Variants in LUC7L observed in about 807,000 individuals in gnomAD.
LUC7L encodes putative RNA-binding protein Luc7-like 1.
A neutral mutation model predicts 51.1 loss-of-function variants in LUC7L; 29 were observed. The observed-to-expected ratio is 0.57, with a 90% CI of 0.42 to 0.77. LUC7L has a LOEUF of 0.77. Among genes scored for constraint, LUC7L ranks in the 30% least tolerant of loss-of-function variants. The pLI, the probability that LUC7L is intolerant of heterozygous loss-of-function variation, is 0.00. For missense variants in LUC7L, 403 were observed against 511.9 expected (o/e 0.79, Z 2.05); for synonymous variants, 181 against 180.7 (o/e 1.00, Z -0.01).
Position 190,121 on chromosome 16 carries a change from T to A in LUC7L, c.821A>T (p.Asp274Val). The A allele has an allele frequency of 6.2e-7, 1 of 1,611,078 alleles. No individual in the cohort carries two copies. Among genetic ancestry groups the A allele is most frequent in the African/African-American group, 1.3e-5 (1 of 74,964 alleles). Residue 274 changes from aspartate (D) to valine (V), a missense_variant, in exon 9 of 10, where the codon GAT (aspartate) becomes GTT (valine). Transcript: ENST00000293872. ...TRDRRRSRSR[D>V]RRRRRSRSTS... Reference sequence around the variant, plus strand: ...AGATCTTGACCGCCTCCGACGCCGATCCCGGGAGCGTGACCTGAACAATCA... The same window carrying A: ...AGATCTTGACCGCCTCCGACGCCGAACCCGGGAGCGTGACCTGAACAATCA...
In LUC7L at chr16:191,281, G is replaced by A. The variant is rs556294753; in HGVS notation, c.777-711C>T. Reference sequence around the variant, plus strand: ...ACACAGAAAAGGAAAAGCAAAGCCCGAAGTTCCAGGCACAGGCTTCCTGTC... The same window carrying A: ...ACACAGAAAAGGAAAAGCAAAGCCCAAAGTTCCAGGCACAGGCTTCCTGTC... On this transcript the variant is annotated intron_variant, in intron 7 of 9. Coordinates refer to ENST00000293872, the MANE Select transcript of LUC7L (RefSeq NM_201412.3). Among the ~76,000 whole-genome samples, 11 of 152,282 alleles carry A rather than the reference G, an allele frequency of 7.2e-5. No homozygotes were observed. The South Asian group carries it at 1.0e-3, about 14-fold the overall frequency.
chr16:217,730 TTAAA>T (rs2049846203), intron 3 of LUC7L, among the ~76,000 whole-genome samples: 1 of 147,236 alleles, frequency 6.8e-6, no homozygotes, highest in East Asian at 2.1e-4. Context: ...AATTTTTTTT[TTAAA>T]TAAATAAACA....
In LUC7L at chr16:215,449, T is replaced by C. The variant is rs1001704882; in HGVS notation, c.255+5200A>G. On this transcript the variant is annotated intron_variant, in intron 3 of 9. Transcript: ENST00000293872. ...GCCTGACCAGTATTGTAAAACCCCG[T>C]CTCTACTAAAAATACAAAAAATTAG... 7.9e-5 allele frequency among the ~76,000 whole-genome samples: 12 copies of C among 151,490 alleles called. No individual in the cohort carries two copies. In the East Asian group the frequency reaches 2.4e-3, roughly 30 times the overall value.
At chr16:204,230 G>A (rs955898557) in intron 5 of LUC7L, among the ~76,000 whole-genome samples, 8 of 151,634 alleles carry the variant, frequency 5.3e-5, no homozygotes, top group Non-Finnish European at 1.0e-4. Context: ...GATCACCTGA[G>A]GTCAGAAGTT....
intron 1 of LUC7L, chr16:228,280 A>G (rs1332572466): frequency 2.3e-6 from 3 of 1,301,480 alleles, no homozygotes; most frequent in African/African-American, 3.0e-5. Context: ...TTACTTGTGA[A>G]AAAAAGCAAA....
chr16:205,374 C>T (rs1036182732), intron 5 of LUC7L, among the ~76,000 whole-genome samples: 5 of 152,076 alleles, frequency 3.3e-5, no homozygotes, highest in African/African-American at 1.2e-4. Flanking sequence ...TATTTTATGG[C>T]AGTAAATAAA....
chr16:228,415 AAT>A, intron 1 of LUC7L: 1 of 1,293,428 alleles, frequency 7.7e-7, no homozygotes, highest in Non-Finnish European at 1.0e-6. Flanking sequence ...TTATAAATAA[AAT>A]AGAGGGGCCA....
At chr16:214,035 TTA>T (rs2142091613) in intron 3 of LUC7L, among the ~76,000 whole-genome samples, 1 of 148,242 alleles carries the variant, frequency 6.7e-6, no homozygotes, top group East Asian at 2.1e-4. Flanking sequence ...CGTTACAGCT[TTA>T]TATTTTGTGT....
intron 5 of LUC7L, 140 bp from the exon 6 acceptor site, chr16:199,378 A>G (rs1427556434): frequency 1.3e-5 from 8 of 622,338 alleles, no homozygotes; most frequent in Non-Finnish European, 2.2e-5. Flanking sequence ...AAAACTTCAG[A>G]TATTTATAAC....
intron 6 of LUC7L, among the ~76,000 whole-genome samples, chr16:198,130 T>G (rs552991045): frequency 2.8e-3 from 421 of 151,452 alleles, no homozygotes; most frequent in African/African-American, 9.7e-3. Flanking sequence ...ACAACAAAAA[T>G]TAGCCGGGCG....
chr16:226,896 G>C (rs570734910), intron 2 of LUC7L, among the ~76,000 whole-genome samples: 16 of 152,128 alleles, frequency 1.1e-4, no homozygotes, highest in Non-Finnish European at 2.2e-4. Context: ...AGGGCATCAG[G>C]GATTTCTGCC....
At chr16:225,895 C>A (rs935906882) in intron 2 of LUC7L, among the ~76,000 whole-genome samples, 2 of 152,138 alleles carry the variant, frequency 1.3e-5, no homozygotes, top group Non-Finnish European at 2.9e-5. Flanking sequence ...AGGGTCTGGC[C>A]AAGGAAAACA....
At chr16:224,732 C>A (rs2050078171) in intron 2 of LUC7L, among the ~76,000 whole-genome samples, 1 of 151,940 alleles carries the variant, frequency 6.6e-6, no homozygotes, top group Non-Finnish European at 1.5e-5. Context: ...ACTCAGGAGG[C>A]TGAGGCAGGA....
chr16:207,007 G>A (rs1243064702), intron 4 of LUC7L, among the ~76,000 whole-genome samples: 1 of 151,448 alleles, frequency 6.6e-6, no homozygotes, highest in Non-Finnish European at 1.5e-5. Context: ...AGACCATCCT[G>A]GCTAACACAG....
At position 206,081 on chromosome 16, in the gene LUC7L, C is replaced by G; in HGVS notation, c.433G>C (p.Ala145Pro). 6.2e-7 allele frequency: 1 copy of G among 1,613,976 alleles called. No homozygotes were observed. The highest frequency in any genetic ancestry group is 8.5e-7 in the Non-Finnish European group (1 of 1,179,974). The change falls in exon 5 of 10, where the codon GCT (alanine) becomes CCT (proline). Residue 145 changes from alanine (A) to proline (P), a missense_variant. By Grantham distance (27) the Ala-to-Pro change is conservative. This residue lies in a region of LUC7L where 182 missense variants were observed against 248.4 expected (regional missense o/e 0.73). Transcript: ENST00000293872. Reference protein sequence around the residue: ...KLLAKAEQLGAEGNVDESQKI... With the variant: ...KLLAKAEQLGPEGNVDESQKI... Reference sequence around the variant, plus strand: ...TGGGATTCATCCACATTACCTTCAGCCCCTAGCTGTTCGGCTTTAGCAAGG... The same window carrying G: ...TGGGATTCATCCACATTACCTTCAGGCCCTAGCTGTTCGGCTTTAGCAAGG...
At chr16:190,422 C>T in intron 8 of LUC7L, 119 bp downstream of exon 8, 1 of 1,102,908 alleles carries the variant, frequency 9.1e-7, no homozygotes. Flanking sequence ...TGCCCTGTGC[C>T]CTTCACAAGC....
At chr16:201,737 CTTTTTTTTTT>C (rs34083330) in intron 5 of LUC7L, among the ~76,000 whole-genome samples, 2 of 54,306 alleles carry the variant, frequency 3.7e-5, no homozygotes, top group East Asian at 1.1e-3. Flanking sequence ...CCGCACCAGG[CTTTTTTTTTT>C]TTTTTTTTTT....
At chr16:207,568 G>A (rs192012175) in intron 4 of LUC7L, among the ~76,000 whole-genome samples, 32 of 152,260 alleles carry the variant, frequency 2.1e-4, no homozygotes, top group Non-Finnish European at 4.0e-4. Context: ...TACAGAGGAC[G>A]AAAATGGAGA....
intron 4 of LUC7L, among the ~76,000 whole-genome samples, chr16:207,155 C>G (rs562127729): frequency 6.6e-6 from 1 of 151,454 alleles, no homozygotes; most frequent in African/African-American, 2.4e-5. Context: ...GTCGAGATCA[C>G]GCCACTGCCC....
Sources: gnomAD v4.1 joint callset for allele counts (sites outside exome capture counted in the v4.1 genomes callset) on GRCh38, gnomAD v4.1.1 for gene constraint, gnomAD v4.1.1 regional missense constraint, MANE v1.5 for transcripts, NCBI Gene and HGNC (gene_info 2026-07-23, HGNC 2026-07-21) for gene names.